C3orf70: variants seen among roughly 807,000 people sequenced by gnomAD.
C3orf70 encodes the protein UPF0524 protein C3orf70.
In C3orf70, 15 loss-of-function variants were observed where a neutral mutation model predicts 20.7. The ratio of observed to expected loss-of-function variants is 0.72; its 90% CI spans 0.48 to 1.11. The LOEUF is 1.11. C3orf70 is among the 50% of genes most tolerant of loss of function. The probability of loss-of-function intolerance (pLI) is 0.00; values close to 1 mark genes in which losing one functional copy is unlikely to be tolerated. For synonymous variants in C3orf70, 161 were observed against 125.7 expected (o/e 1.28, Z -1.88); for missense variants, 332 against 317.6 (o/e 1.05, Z -0.34).
At chr3:185,084,246 ATC>A (rs1451607782) in intron 1 of C3orf70, among the ~76,000 whole-genome samples, 1 of 151,858 alleles carries the variant, frequency 6.6e-6, no homozygotes, top group African/African-American at 2.4e-5. Flanking sequence ...TTCCATGTTT[ATC>A]TCTAATAATG....
At chr3:185,128,388 C>A (rs1440131122) in intron 1 of C3orf70, among the ~76,000 whole-genome samples, 1 of 152,010 alleles carries the variant, frequency 6.6e-6, no homozygotes. Flanking sequence ...ATTAGCCGGG[C>A]ATGGTGGCAC....
At chr3:185,135,016 C>A (rs13090531) in intron 1 of C3orf70, among the ~76,000 whole-genome samples, 1 of 151,938 alleles carries the variant, frequency 6.6e-6, no homozygotes, top group Non-Finnish European at 1.5e-5. Context: ...AATGGTATCC[C>A]AAAAAAGCCA....
At chr3:185,150,386 T>C (rs988380674) in intron 1 of C3orf70, among the ~76,000 whole-genome samples, 12 of 152,218 alleles carry the variant, frequency 7.9e-5, no homozygotes, top group African/African-American at 1.9e-4. Context: ...CTTATAAATA[T>C]ATTAAGAAAG....
intron 1 of C3orf70, among the ~76,000 whole-genome samples, chr3:185,110,006 C>G (rs1194542480): frequency 6.6e-6 from 1 of 152,146 alleles, no homozygotes; most frequent in African/African-American, 2.4e-5. Context: ...ATGCCACGGC[C>G]ACACTATGTT....
intron 1 of C3orf70, among the ~76,000 whole-genome samples, chr3:185,085,591 A>G (rs1279325669): frequency 6.6e-6 from 1 of 152,216 alleles, no homozygotes; most frequent in Non-Finnish European, 1.5e-5. Context: ...CGCATTGAGA[A>G]GAACCCAGTC....
chr3:185,090,040 T>C lies in C3orf70; in HGVS notation c.197-6477A>G, dbSNP rs536520800. Among the ~76,000 whole-genome samples the C allele has an allele frequency of 3.9e-5, 6 of 152,328 alleles. 1 individual carries two copies. The highest frequency in any genetic ancestry group is 1.4e-4 in the African/African-American group (6 of 41,568). On this transcript the variant is annotated intron_variant, in intron 1 of 1. Transcript: ENST00000335012. ...GAGTTATTACATTCTCAAACTCTTA[T>C]AACAAGATAGGAGTCAATTCTTAGA...
intron 1 of C3orf70, among the ~76,000 whole-genome samples, chr3:185,091,233 T>G (rs1424770887): frequency 6.6e-6 from 1 of 152,008 alleles, no homozygotes; most frequent in Non-Finnish European, 1.5e-5. Context: ...GATTTTTATA[T>G]GGATATTAGA....
At chr3:185,126,203 T>C (rs1272610104) in intron 1 of C3orf70, among the ~76,000 whole-genome samples, 1 of 152,234 alleles carries the variant, frequency 6.6e-6, no homozygotes, top group Non-Finnish European at 1.5e-5. Context: ...ATTTCAAGCC[T>C]GCTCTTTAAC....
chr3:185,104,339 G>A (rs1368447667), intron 1 of C3orf70, among the ~76,000 whole-genome samples: 1 of 152,182 alleles, frequency 6.6e-6, no homozygotes, highest in East Asian at 1.9e-4. Context: ...TGTTGGAGAG[G>A]TTGCAGAGAA....
intron 1 of C3orf70, among the ~76,000 whole-genome samples, chr3:185,130,669 A>G (rs1261933763): frequency 6.6e-5 from 10 of 152,072 alleles, no homozygotes; most frequent in Non-Finnish European, 1.3e-4. Flanking sequence ...TGTCTCTACA[A>G]ATTTGCTTAT....
intron 1 of C3orf70, among the ~76,000 whole-genome samples, chr3:185,094,578 C>A (rs762102713): frequency 6.6e-6 from 1 of 151,796 alleles, no homozygotes; most frequent in Non-Finnish European, 1.5e-5. Flanking sequence ...CACGATGGAG[C>A]CCTTGAACCT....
chr3:185,149,744 A>G (rs1716951211), intron 1 of C3orf70, among the ~76,000 whole-genome samples: 1 of 152,206 alleles, frequency 6.6e-6, no homozygotes, highest in Admixed American at 6.5e-5. Flanking sequence ...AAATGAAGTC[A>G]AGCTTTTAGT....
intron 1 of C3orf70, among the ~76,000 whole-genome samples, chr3:185,108,105 C>A (rs1715986258): frequency 6.6e-6 from 1 of 152,132 alleles, no homozygotes; most frequent in Admixed American, 6.6e-5. Context: ...CTTGGCAAAC[C>A]CATTTAGCTG....
intron 1 of C3orf70, among the ~76,000 whole-genome samples, chr3:185,130,352 G>A (rs997933925): frequency 6.6e-6 from 1 of 152,192 alleles, no homozygotes; most frequent in African/African-American, 2.4e-5. Context: ...TACTCAGGAG[G>A]CTGAGGCAGG....
chr3:185,136,687 G>A (rs916057402), intron 1 of C3orf70, among the ~76,000 whole-genome samples: 3 of 152,112 alleles, frequency 2.0e-5, no homozygotes, highest in Non-Finnish European at 4.4e-5. Context: ...TCGCGCCACA[G>A]CACTCCAGCC....
intron 1 of C3orf70, among the ~76,000 whole-genome samples, chr3:185,131,090 G>A (rs892886583): frequency 6.6e-6 from 1 of 152,158 alleles, no homozygotes; most frequent in Non-Finnish European, 1.5e-5. Flanking sequence ...ATGCATGAGG[G>A]TTCTAATCTG....
intron 1 of C3orf70, among the ~76,000 whole-genome samples, chr3:185,104,299 G>A (rs1031494447): frequency 2.0e-5 from 3 of 152,162 alleles, no homozygotes; most frequent in Non-Finnish European, 2.9e-5. Context: ...AGTCAGAATG[G>A]CTATTATTAA....
intron 1 of C3orf70, among the ~76,000 whole-genome samples, chr3:185,131,651 T>C (rs911132436): frequency 2.0e-4 from 30 of 152,296 alleles, no homozygotes; most frequent in African/African-American, 7.0e-4. Context: ...GTAATATTCC[T>C]CACTACATTG....
At chr3:185,128,846 C>G (rs969215638) in intron 1 of C3orf70, among the ~76,000 whole-genome samples, 1 of 152,166 alleles carries the variant, frequency 6.6e-6, no homozygotes, top group African/African-American at 2.4e-5. Flanking sequence ...AACAGACGAT[C>G]TCAAGGTGCT....
Sources: gnomAD v4.1 joint callset for allele counts (sites outside exome capture counted in the v4.1 genomes callset) on GRCh38, gnomAD v4.1.1 for gene constraint, MANE v1.5 for transcripts, NCBI Gene and HGNC (gene_info 2026-07-23, HGNC 2026-07-21) for gene names.